The following TBC1D31 variants were observed in gnomAD, a reference collection of about 807,000 sequenced individuals.
TBC1D31 encodes TBC1 domain family member 31, also known as WD repeat domain 67.
A neutral mutation model predicts 132.9 loss-of-function variants in TBC1D31; 99 were observed. The ratio of observed to expected loss-of-function variants is 0.74; its 90% CI spans 0.63 to 0.88. The LOEUF (loss-of-function observed/expected upper bound fraction) is 0.88. Ranked by LOEUF, TBC1D31 falls within the 40% of genes least tolerant of loss-of-function variation. The pLI, the probability that TBC1D31 is intolerant of heterozygous loss-of-function variation, is 0.00. For missense variants in TBC1D31, 1,134 were observed against 1,256.6 expected (o/e 0.90, Z 1.48); for synonymous variants, 385 against 419.4 (o/e 0.92, Z 1.00).
chr8:123,152,945 T>C (rs1822891041), downstream of TBC1D31, among the ~76,000 whole-genome samples: 2 of 152,298 alleles, frequency 1.3e-5, no homozygotes, highest in South Asian at 4.1e-4. Context: ...TAATATGTAG[T>C]ACTAATTATT....
chr8:123,116,109 A>T (rs1203777250), intron 10 of TBC1D31, among the ~76,000 whole-genome samples: 2 of 152,226 alleles, frequency 1.3e-5, no homozygotes, highest in Non-Finnish European at 2.9e-5. Flanking sequence ...ATATAAATAG[A>T]TATGCAGAGT....
chr8:123,082,671 T>C (rs1326269226), intron 2 of TBC1D31, 31 bp from the exon 3 acceptor site: 1 of 1,438,066 alleles, frequency 7.0e-7, no homozygotes, highest in East Asian at 2.3e-5. Flanking sequence ...TTGGAAGAAT[T>C]TGTGATACTA....
At chr8:123,084,435 T>A in intron 4 of TBC1D31, 95 bp downstream of exon 4, 1 of 1,244,084 alleles carries the variant, frequency 8.0e-7, no homozygotes. Context: ...TGATTCACTT[T>A]GTCCTTGTAG....
chr8:123,087,637 T>C (rs1328150032), intron 4 of TBC1D31, among the ~76,000 whole-genome samples: 1 of 152,220 alleles, frequency 6.6e-6, no homozygotes, highest in Non-Finnish European at 1.5e-5. Context: ...AACAGAGTTA[T>C]GAAACAATGA....
chr8:123,135,627 G>A (rs1821020041), intron 17 of TBC1D31, among the ~76,000 whole-genome samples: 2 of 152,138 alleles, frequency 1.3e-5, no homozygotes, highest in South Asian at 4.1e-4. Context: ...TTTGAAATTA[G>A]TGATAACTGT....
chr8:123,143,456 C>T (rs144697996), intron 19 of TBC1D31, among the ~76,000 whole-genome samples: 158 of 152,264 alleles, frequency 1.0e-3, no homozygotes, highest in African/African-American at 3.5e-3. Flanking sequence ...GGTTGATCCT[C>T]GCAAAGACTC....
chr8:123,144,633 G>T, intron 19 of TBC1D31, 84 bp from the exon 20 acceptor site: 1 of 1,303,028 alleles, frequency 7.7e-7, no homozygotes, highest in Non-Finnish European at 1.0e-6. Context: ...AGTGGATAGA[G>T]AAGACAGAAG....
chr8:123,130,271 A>G lies in TBC1D31; in HGVS notation c.2344A>G (p.Lys782Glu). 6.2e-7 allele frequency: 1 copy of G among 1,612,982 alleles called. No homozygotes were observed. The change falls in exon 16 of 22, where the codon AAG becomes GAG. Residue 782 changes from lysine to glutamate, a missense_variant. Coordinates refer to ENST00000287380, the MANE Select transcript of TBC1D31 (RefSeq NM_145647.4). ...AGATGCTGCAAGAAGGCGTTTTCTG[A>G]AGCTTCAGCAAGATCAACAGGAAAT... Reference protein sequence around the residue: ...LQDAARRRFLKLQQDQQEMEL... With the variant: ...LQDAARRRFLELQQDQQEMEL...
intron 14 of TBC1D31, 80 bp from the exon 15 acceptor site, chr8:123,128,986 C>G (rs1020683409): frequency 1.6e-5 from 15 of 919,162 alleles, no homozygotes; most frequent in Non-Finnish European, 2.4e-5. Flanking sequence ...ATAGATTATA[C>G]ATTAATCGGT....
At chr8:123,126,219 T>A (rs906704988) in intron 12 of TBC1D31, 30 bp downstream of exon 12, 2 of 1,585,370 alleles carry the variant, frequency 1.3e-6, no homozygotes, top group Non-Finnish European at 8.6e-7. Flanking sequence ...TAGAATAACA[T>A]GCCTTATTTT....
chr8:123,083,640 CTT>C (rs1044434000), intron 3 of TBC1D31: 1 of 152,598 alleles, frequency 6.6e-6, no homozygotes, highest in African/African-American at 2.4e-5. Flanking sequence ...CTTCACTTCT[CTT>C]ATATCTCAGG....
intron 10 of TBC1D31, among the ~76,000 whole-genome samples, chr8:123,118,286 G>C (rs1318922234): frequency 1.3e-5 from 2 of 152,144 alleles, no homozygotes; most frequent in African/African-American, 4.8e-5. Flanking sequence ...TAATTTCTTA[G>C]TACTGATCAT....
At chr8:123,127,212 C>T (rs1305734348) in intron 13 of TBC1D31, among the ~76,000 whole-genome samples, 1 of 147,740 alleles carries the variant, frequency 6.8e-6, no homozygotes, top group Admixed American at 6.7e-5. Flanking sequence ...GTCTTATAAT[C>T]ATAGCTTAAG....
chr8:123,100,147 T>C (rs1466816493), intron 6 of TBC1D31, among the ~76,000 whole-genome samples: 1 of 152,184 alleles, frequency 6.6e-6, no homozygotes. Flanking sequence ...ATGTCATCAG[T>C]GGGCATGATC....
intron 5 of TBC1D31, among the ~76,000 whole-genome samples, chr8:123,096,425 T>A (rs1816846051): frequency 6.6e-6 from 1 of 152,240 alleles, no homozygotes; most frequent in Non-Finnish European, 1.5e-5. Flanking sequence ...GGAATACTGA[T>A]CAGGATAGAA....
chr8:123,164,677 G>T, the TBC1D31 span, among the ~76,000 whole-genome samples: 15 of 151,702 alleles, frequency 9.9e-5, no homozygotes, highest in Non-Finnish European at 1.5e-5. Flanking sequence ...AGCTGAGATA[G>T]CGCCAGTGTA....
intron 2 of TBC1D31, among the ~76,000 whole-genome samples, chr8:123,078,953 A>G (rs909419895): frequency 6.6e-6 from 1 of 152,228 alleles, no homozygotes; most frequent in Non-Finnish European, 1.5e-5. Flanking sequence ...CTAGTAGTGG[A>G]ATGAATCAAA....
chr8:123,129,298 T>G (rs1820396763), intron 15 of TBC1D31, 80 bp downstream of exon 15: 4 of 993,592 alleles, frequency 4.0e-6, no homozygotes, highest in African/African-American at 3.3e-5. Flanking sequence ...TTTTTCATTT[T>G]AGAAACAACA....
the TBC1D31 span, among the ~76,000 whole-genome samples, chr8:123,162,911 C>A: frequency 6.6e-6 from 1 of 152,110 alleles, no homozygotes; most frequent in Non-Finnish European, 1.5e-5. Flanking sequence ...CAGCTCACTG[C>A]AACTTCCGCC....
Sources: gnomAD v4.1 joint callset for allele counts (sites outside exome capture counted in the v4.1 genomes callset) on GRCh38, gnomAD v4.1.1 for gene constraint, MANE v1.5 for transcripts, NCBI Gene and HGNC (gene_info 2026-07-23, HGNC 2026-07-21) for gene names.